TTC23: variants seen among roughly 807,000 people sequenced by gnomAD.
TTC23 encodes the protein tetratricopeptide repeat protein 23.
Under a neutral mutation model 55.1 loss-of-function variants are expected in TTC23, and 58 were observed. The ratio of observed to expected loss-of-function variants is 1.05; its 90% CI spans 0.85 to 1.31. TTC23 has a LOEUF of 1.31. Among genes scored for constraint, TTC23 ranks in the 50% most tolerant of loss-of-function variants. TTC23 has a pLI of 0.00. For synonymous variants in TTC23, 203 were observed against 199.9 expected, an observed-to-expected ratio of 1.02 and a Z score of -0.13; for missense variants, 516 against 534.4, an observed-to-expected ratio of 0.97 and a Z score of 0.34.
intron 1 of TTC23, among the ~76,000 whole-genome samples, 186 bp from the exon 2 acceptor site, chr15:99,245,696 G>T (rs2080183867): frequency 6.6e-5 from 10 of 151,364 alleles, no homozygotes. Flanking sequence ...TACATGAAAA[G>T]AATAAAGTTG....
chr15:99,168,113 A>G (rs2072392371), intron 10 of TTC23, among the ~76,000 whole-genome samples: 1 of 152,180 alleles, frequency 6.6e-6, no homozygotes. Flanking sequence ...GACCCTCTTC[A>G]TGAGGAACAC....
intron 9 of TTC23, among the ~76,000 whole-genome samples, chr15:99,177,283 C>G (rs77142404): frequency 0.016 from 2,384 of 152,254 alleles, 25 homozygotes; most frequent in Middle Eastern, 0.031. Context: ...CCAACAATAT[C>G]CTTTGCTTTA....
chr15:99,199,537 G>A (rs1301619491), intron 9 of TTC23, among the ~76,000 whole-genome samples: 2 of 151,860 alleles, frequency 1.3e-5, no homozygotes, highest in Admixed American at 6.6e-5. Flanking sequence ...CACACTCACT[G>A]AGGAATCTTA....
At chr15:99,207,088 A>T (rs1286506870) in intron 8 of TTC23, among the ~76,000 whole-genome samples, 1 of 152,186 alleles carries the variant, frequency 6.6e-6, no homozygotes, top group Admixed American at 6.5e-5. Context: ...TCCTAAATTT[A>T]AAAATAAAAA....
In TTC23 at chr15:99,141,405, G is replaced by A. The variant is rs7168654; in HGVS notation, c.1144-2006C>T. On this transcript the variant is annotated intron_variant, in intron 12 of 13. Coordinates refer to ENST00000394132, the MANE Select transcript of TTC23 (RefSeq NM_001288615.3). Reference sequence around the variant, plus strand: ...AGTAAAATAAGAAGAGCATGGGAATGATATCAAATTTAAAAAAGTAGTTAT... The same window carrying A: ...AGTAAAATAAGAAGAGCATGGGAATAATATCAAATTTAAAAAAGTAGTTAT... Among the ~76,000 whole-genome samples, 168 of 152,226 alleles carry A rather than the reference G, an allele frequency of 1.1e-3. 3 individuals are homozygous for A. The highest frequency in any genetic ancestry group is 3.7e-3 in the African/African-American group (154 of 41,552).
chr15:99,204,528 G>A (rs188773929), intron 8 of TTC23, among the ~76,000 whole-genome samples: 1 of 149,156 alleles, frequency 6.7e-6, no homozygotes, highest in Non-Finnish European at 1.5e-5. Flanking sequence ...GGTTGCCTAC[G>A]TTTTTGAGGT....
intron 11 of TTC23, chr15:99,157,205 C>G (rs2070720043): frequency 7.9e-6 from 1 of 126,544 alleles, no homozygotes; most frequent in African/African-American, 3.1e-5. Context: ...AGGTGGAAAT[C>G]TGGAGGTTTT....
At chr15:99,206,059 CT>C (rs1236730459) in intron 8 of TTC23, among the ~76,000 whole-genome samples, 2 of 152,094 alleles carry the variant, frequency 1.3e-5, no homozygotes, top group East Asian at 3.8e-4. Context: ...TATCAAATGC[CT>C]TTTCAGCATC....
At chr15:99,149,011 G>A (rs1330984277) in intron 12 of TTC23, among the ~76,000 whole-genome samples, 1 of 152,178 alleles carries the variant, frequency 6.6e-6, no homozygotes, top group Non-Finnish European at 1.5e-5. Flanking sequence ...ACTGTTCAGT[G>A]GGTTCCTGCT....
intron 6 of TTC23, among the ~76,000 whole-genome samples, chr15:99,219,689 G>A (rs1019276601): frequency 3.3e-5 from 5 of 152,052 alleles, no homozygotes; most frequent in Non-Finnish European, 1.5e-5. Flanking sequence ...TTCCTCCACG[G>A]GCTTGTTAAT....
intron 1 of TTC23, 42 bp from the exon 2 acceptor site, chr15:99,245,552 GA>G (rs1243455642): frequency 6.6e-6 from 1 of 151,124 alleles, no homozygotes; most frequent in African/African-American, 2.4e-5. Context: ...AGAAAAATGG[GA>G]TAGTGTTGAG....
chr15:99,202,325 T>C (rs992099773), intron 8 of TTC23, among the ~76,000 whole-genome samples: 2 of 152,204 alleles, frequency 1.3e-5, no homozygotes, highest in Non-Finnish European at 2.9e-5. Flanking sequence ...TCATAAAAGA[T>C]GCAGTGTGCC....
intron 12 of TTC23, chr15:99,139,844 T>C: frequency 1.0e-6 from 1 of 969,238 alleles, no homozygotes; most frequent in Non-Finnish European, 1.4e-6. Flanking sequence ...CACAGCAATG[T>C]CTTAGTTATT....
At chr15:99,219,367 C>T (rs1033848635) in intron 6 of TTC23, among the ~76,000 whole-genome samples, 4 of 152,210 alleles carry the variant, frequency 2.6e-5, no homozygotes, top group African/African-American at 9.6e-5. Context: ...AAACTGAATA[C>T]AAGAACTATA....
At chr15:99,222,699 T>C (rs2123411) in intron 5 of TTC23, among the ~76,000 whole-genome samples, 1,647 of 152,146 alleles carry the variant, frequency 0.011, 27 homozygotes, top group African/African-American at 0.038. Flanking sequence ...AGCTGGCAGT[T>C]TTAAAACACG....
At chr15:99,238,839 C>T (rs1166531340) in intron 3 of TTC23, among the ~76,000 whole-genome samples, 2 of 152,170 alleles carry the variant, frequency 1.3e-5, no homozygotes, top group African/African-American at 4.8e-5. Flanking sequence ...AATATAATAC[C>T]TTGTGAATAT....
At chr15:99,155,996 A>G (rs2070492659) in intron 12 of TTC23, 152 bp downstream of exon 12, 2 of 964,764 alleles carry the variant, frequency 2.1e-6, no homozygotes, top group African/African-American at 1.6e-5. Context: ...CCCAAAAAGT[A>G]TCAGGTTAGA....
At chr15:99,214,018 G>A (rs2077248426) in intron 8 of TTC23, among the ~76,000 whole-genome samples, 1 of 151,732 alleles carries the variant, frequency 6.6e-6, no homozygotes, top group Non-Finnish European at 1.5e-5. Flanking sequence ...AATGGTATAT[G>A]AGAGAGCATA....
At chr15:99,149,918 C>T (rs531463245) in intron 12 of TTC23, among the ~76,000 whole-genome samples, 1 of 152,348 alleles carries the variant, frequency 6.6e-6, no homozygotes, top group East Asian at 1.9e-4. Flanking sequence ...GTGTATCTCT[C>T]TTATCATTTG....
Sources: gnomAD v4.1 joint callset for allele counts (sites outside exome capture counted in the v4.1 genomes callset) on GRCh38, gnomAD v4.1.1 for gene constraint, MANE v1.5 for transcripts, NCBI Gene and HGNC (gene_info 2026-07-23, HGNC 2026-07-21) for gene names.